SCAF11: variants seen among roughly 807,000 people sequenced by gnomAD.
SCAF11 encodes SR-related CTD associated factor 11, also known as protein SCAF11.
In SCAF11, 47 loss-of-function variants were observed where a neutral mutation model predicts 140.5. That is an observed-to-expected ratio of 0.33 (90% CI 0.26 to 0.43). The LOEUF (loss-of-function observed/expected upper bound fraction) is 0.43. Among genes scored for constraint, SCAF11 ranks in the 20% least tolerant of loss-of-function variants. The pLI, the probability that SCAF11 is intolerant of heterozygous loss-of-function variation, is 1.00. For synonymous variants in SCAF11, 557 were observed against 579.4 expected, an observed-to-expected ratio of 0.96 and a Z score of 0.55; for missense variants, 1,645 against 1,705.1, an observed-to-expected ratio of 0.96 and a Z score of 0.62.
In SCAF11 at chr12:45,953,620, T is replaced by C. The variant is rs536518466; in HGVS notation, c.220-1893A>G. Among the ~76,000 whole-genome samples the C allele has an allele frequency of 2.0e-5, 3 of 152,332 alleles. No individual in the cohort carries two copies. In the East Asian group the frequency reaches 5.8e-4, roughly 29 times the overall value. On this transcript the variant is annotated intron_variant, in intron 3 of 14. Coordinates refer to ENST00000369367, the MANE Select transcript of SCAF11 (RefSeq NM_004719.3). ...TTTTACAAAAGCTTCAAAATGTTTT[T>C]TATTCCTATTTTAAAGGTAAATTTA...
chr12:45,955,639 A>T, intron 3 of SCAF11: 1 of 153,180 alleles, frequency 6.5e-6, no homozygotes, highest in South Asian at 2.0e-4. Context: ...TACTTACTCT[A>T]TTTTTAAGTT....
rs748511492 is a variant in SCAF11, at chr12:45,928,341, T to C, written c.1360A>G (p.Ile454Val). 4 of 1,614,044 alleles carry C rather than the reference T, an allele frequency of 2.5e-6. No homozygotes were observed. The highest frequency in any genetic ancestry group is 3.4e-6 in the Non-Finnish European group (4 of 1,180,028). ...ANCLKSCNEQ[I>V]EESEKHTANY... The stretch of plus-strand genomic sequence containing the variant: ...GCAGTATGCTTCTCACTTTCTTCTA[T>C]TTGCTCATTGCAACTTTTCAAGCAA... The change falls in exon 11 of 15, where the codon ATA (isoleucine) becomes GTA (valine). Residue 454 changes from isoleucine (I) to valine (V), a missense_variant. Coordinates refer to ENST00000369367, the MANE Select transcript of SCAF11 (RefSeq NM_004719.3).
In SCAF11 at chr12:45,922,602, T is replaced by C; in HGVS notation, c.4126-20A>G. ...CAATTTCTGATGAGAAGAAAATGTA[T>C]AATTTATTATTTGCCAGTCATACTG... is the stretch of plus-strand genomic sequence containing the variant. On this transcript the variant is annotated intron_variant, in intron 13 of 14. Transcript: ENST00000369367. 2 of 1,570,292 alleles carry C rather than the reference T, an allele frequency of 1.3e-6. No homozygotes were observed. Among genetic ancestry groups the C allele is most frequent in the Non-Finnish European group, 1.7e-6 (2 of 1,168,182 alleles).
In SCAF11 at chr12:45,972,631, TCAA is replaced by T. The variant is rs1946103658; in HGVS notation, c.-21-8446_-21-8444del. ...AATCCAAAAAACAAAAACAAAAACA[TCAA>T]CATTTTCCATAGCATTTAAACAAAA... On this transcript the variant is annotated intron_variant, in intron 1 of 14. Coordinates refer to ENST00000369367, the MANE Select transcript of SCAF11 (RefSeq NM_004719.3). Among the ~76,000 whole-genome samples, 3 of 128,518 alleles carry T rather than the reference TCAA, an allele frequency of 2.3e-5. 1 individual carries two copies. Among genetic ancestry groups the T allele is most frequent in the Non-Finnish European group, 5.1e-5 (3 of 58,416 alleles). 84.3% of individuals were successfully genotyped at this position (128,518 alleles called of 152,430 possible). A position where few individuals can be genotyped will look rare whatever the true frequency, so the allele number is the denominator to read the frequency against.
intron 3 of SCAF11, chr12:45,956,189 TC>T: frequency 1.4e-6 from 1 of 716,582 alleles, no homozygotes; most frequent in Non-Finnish European, 2.6e-6. Context: ...TATAGATAGC[TC>T]CTCTTAGAGA....
chr12:45,968,771 T>C (rs1036483675), intron 1 of SCAF11, among the ~76,000 whole-genome samples: 7 of 152,018 alleles, frequency 4.6e-5, no homozygotes, highest in Non-Finnish European at 8.8e-5. Context: ...TGAAACCCCG[T>C]CGCTACTAAA....
At chr12:45,949,552 G>A (rs2136571581) in intron 4 of SCAF11, among the ~76,000 whole-genome samples, 1 of 152,038 alleles carries the variant, frequency 6.6e-6, no homozygotes. Context: ...AAAGAATAGG[G>A]GTCTACAAAG....
In SCAF11 at chr12:45,964,074, CAACAAACAA is replaced by C. The variant is rs1565683736; in HGVS notation, c.61+24_61+32del. 18 of 1,177,252 alleles carry C rather than the reference CAACAAACAA, an allele frequency of 1.5e-5. No individual in the cohort carries two copies. The South Asian group carries it at 2.2e-4, about 14-fold the overall frequency. 72.9% of individuals were successfully genotyped at this position (1,177,252 alleles called of 1,614,324 possible). Reference sequence around the variant, plus strand: ...AGTTTGGAAACAACTGTTTTGCTTTCAACAAACAAACTTTATAAAAATGAAAAGTTACCT... The same window carrying C: ...AGTTTGGAAACAACTGTTTTGCTTTCACTTTATAAAAATGAAAAGTTACCT... On this transcript the variant is annotated intron_variant, in intron 2 of 14. Transcript: ENST00000369367.
intron 1 of SCAF11, among the ~76,000 whole-genome samples, chr12:45,987,795 C>T (rs1453296640): frequency 6.6e-6 from 1 of 152,192 alleles, no homozygotes; most frequent in Non-Finnish European, 1.5e-5. Context: ...CATGACCTGA[C>T]ATTTTATCAG....
chr12:45,933,240 A>G lies in SCAF11; in HGVS notation c.633-8T>C, dbSNP rs377072954. The G allele has an allele frequency of 5.8e-5, 92 of 1,587,486 alleles. No individual in the cohort carries two copies. In the African/African-American group the frequency reaches 1.1e-3, roughly 19 times the overall value. ...GCTTCTATAAATTCTGTACTAAAAG[A>G]TAAATTTTAGACCTTCATCAGAATC... On this transcript the variant is annotated splice_polypyrimidine_tract_variant and splice_region_variant and intron_variant, in intron 8 of 14. Coordinates refer to ENST00000369367, the MANE Select transcript of SCAF11 (RefSeq NM_004719.3).
intron 1 of SCAF11, among the ~76,000 whole-genome samples, chr12:45,978,328 A>G (rs1204929638): frequency 6.6e-6 from 1 of 152,208 alleles, no homozygotes; most frequent in Non-Finnish European, 1.5e-5. Context: ...TTACTGAAGT[A>G]CAATGACATA....
chr12:45,974,176 T>C, intron 1 of SCAF11: 1 of 470,888 alleles, frequency 2.1e-6, no homozygotes, highest in Non-Finnish European at 4.4e-6. Context: ...TGTACATACT[T>C]GATTTAAAAA....
intron 1 of SCAF11, among the ~76,000 whole-genome samples, chr12:45,983,996 A>G (rs1946405292): frequency 6.6e-6 from 1 of 152,228 alleles, no homozygotes; most frequent in Non-Finnish European, 1.5e-5. Context: ...AAGTGTTGGT[A>G]TAATAATCTT....
At chr12:45,934,414 C>A in intron 7 of SCAF11, 33 bp downstream of exon 7, 3 of 1,535,732 alleles carry the variant, frequency 2.0e-6, no homozygotes, top group Non-Finnish European at 2.7e-6. Flanking sequence ...GTGTTATCAT[C>A]TAAGAAAAAG....
intron 2 of SCAF11, among the ~76,000 whole-genome samples, chr12:45,963,798 G>A (rs142000436): frequency 6.6e-6 from 1 of 152,220 alleles, no homozygotes; most frequent in African/African-American, 2.4e-5. Flanking sequence ...GCAGAGGACA[G>A]TACCAACGCT....
upstream of SCAF11, chr12:45,991,847 C>T (rs1169943087): frequency 3.2e-6 from 4 of 1,249,146 alleles, no homozygotes; most frequent in East Asian, 6.1e-5. Flanking sequence ...GCTTGCGGCT[C>T]CCGCAGGACT....
At chr12:45,947,886 A>T (rs1565673893) in intron 5 of SCAF11, among the ~76,000 whole-genome samples, 1 of 152,100 alleles carries the variant, frequency 6.6e-6, no homozygotes, top group Non-Finnish European at 1.5e-5. Flanking sequence ...TATGTTGCCT[A>T]GGCTGGTCTT....
intron 4 of SCAF11, among the ~76,000 whole-genome samples, chr12:45,949,770 T>C (rs943236484): frequency 2.6e-4 from 39 of 152,116 alleles, no homozygotes; most frequent in Admixed American, 1.8e-3. Flanking sequence ...GTATTCCAGA[T>C]AGAGATGCAC....
intron 1 of SCAF11, among the ~76,000 whole-genome samples, chr12:45,980,169 T>C (rs1946319745): frequency 1.3e-5 from 2 of 152,270 alleles, no homozygotes; most frequent in South Asian, 2.1e-4. Flanking sequence ...CTGGAACCCA[T>C]TAGCAATTTA....
Sources: gnomAD v4.1 joint callset for allele counts (sites outside exome capture counted in the v4.1 genomes callset) on GRCh38, gnomAD v4.1.1 for gene constraint, MANE v1.5 for transcripts, NCBI Gene and HGNC (gene_info 2026-07-23, HGNC 2026-07-21) for gene names.